Variants in PTPRD observed in about 807,000 individuals in gnomAD.
PTPRD encodes protein tyrosine phosphatase receptor type D.
PTPRD carries 34 observed loss-of-function variants against 214.5 expected under a neutral mutation model. That is an observed-to-expected ratio of 0.16 (90% confidence interval 0.12 to 0.21). The LOEUF (loss-of-function observed/expected upper bound fraction) is 0.21, where lower values mean the gene tolerates loss of function less well. Among genes scored for constraint, PTPRD ranks in the 10% least tolerant of loss-of-function variants. The pLI, the probability that PTPRD is intolerant of heterozygous loss-of-function variation, is 1.00. For synonymous variants in PTPRD, 1,128 were observed against 845.7 expected, an observed-to-expected ratio of 1.33 and a Z score of -5.79; for missense variants, 2,545 against 2,398.7, an observed-to-expected ratio of 1.06 and a Z score of -1.27.
At chr9:10,287,843 G>A (rs1050533430) in intron 3 of PTPRD, among the ~76,000 whole-genome samples, 9 of 152,042 alleles carry the variant, frequency 5.9e-5, no homozygotes, top group Non-Finnish European at 1.0e-4. Context: ...GTTCCAGAGC[G>A]ATTCTTCAGC....
chr9:8,993,615 G>C (rs1444395740), intron 11 of PTPRD, among the ~76,000 whole-genome samples: 1 of 152,024 alleles, frequency 6.6e-6, no homozygotes, highest in African/African-American at 2.4e-5. Context: ...AATCAACTAA[G>C]ATGATTATAT....
At chr9:10,552,173 G>C (rs1291199740) in intron 2 of PTPRD, among the ~76,000 whole-genome samples, 1 of 152,148 alleles carries the variant, frequency 6.6e-6, no homozygotes, top group Non-Finnish European at 1.5e-5. Context: ...ATGGAGTTTT[G>C]AGGTGGTGGT....
chr9:10,366,293 C>T (rs1220920807), intron 2 of PTPRD, among the ~76,000 whole-genome samples: 1 of 152,148 alleles, frequency 6.6e-6, no homozygotes, highest in African/African-American at 2.4e-5. Flanking sequence ...ATTTTCTGTA[C>T]ATTCACATAA....
intron 10 of PTPRD, among the ~76,000 whole-genome samples, chr9:9,086,776 T>A (rs375708762): frequency 4.6e-5 from 7 of 152,056 alleles, no homozygotes; most frequent in Admixed American, 1.3e-4. Context: ...AAATGCTTTT[T>A]TAAAATGTGA....
At chr9:8,349,368 T>A (rs911122871) in intron 39 of PTPRD, among the ~76,000 whole-genome samples, 1 of 152,314 alleles carries the variant, frequency 6.6e-6, no homozygotes, top group Admixed American at 6.5e-5. Flanking sequence ...TTATTTTGTT[T>A]CCTTCTCCAA....
intron 5 of PTPRD, among the ~76,000 whole-genome samples, chr9:9,917,128 A>G (rs191801552): frequency 3.9e-4 from 59 of 151,504 alleles, no homozygotes; most frequent in Middle Eastern, 3.4e-3. Flanking sequence ...TTGTAAATAA[A>G]CAATCTAACA....
In PTPRD at chr9:8,741,239, T is replaced by C. The variant is rs147287904; in HGVS notation, c.-103-7293A>G. On this transcript the variant is annotated intron_variant, in intron 11 of 45. Coordinates refer to ENST00000381196, the MANE Select transcript of PTPRD (RefSeq NM_002839.4). ...AAAAAAAACCTCATCTCCCTTTGTA[T>C]CTATTGTTCCCCTACAAATAGAACT... Among the ~76,000 whole-genome samples the C allele has an allele frequency of 9.0e-3, 1,368 of 152,298 alleles. 21 individuals carry two copies. The highest frequency in any genetic ancestry group is 0.031 in the African/African-American group (1,281 of 41,562).
intron 8 of PTPRD, among the ~76,000 whole-genome samples, chr9:9,509,470 G>C (rs1258863996): frequency 1.3e-5 from 2 of 150,668 alleles, no homozygotes; most frequent in African/African-American, 4.9e-5. Flanking sequence ...TGACACACCA[G>C]ACCCCTCACT....
intron 3 of PTPRD, among the ~76,000 whole-genome samples, chr9:10,299,424 A>G (rs546082541): frequency 2.9e-4 from 44 of 152,174 alleles, no homozygotes; most frequent in Non-Finnish European, 3.7e-4. Flanking sequence ...AACTAGCTGC[A>G]TGATTATGAA....
chr9:10,064,021 T>A (rs554312996), intron 3 of PTPRD, among the ~76,000 whole-genome samples: 1 of 143,552 alleles, frequency 7.0e-6, no homozygotes, highest in African/African-American at 2.9e-5. Flanking sequence ...ATATTTTCTG[T>A]TTTTTTTTCA....
At chr9:9,973,992 A>C (rs2095256682) in intron 4 of PTPRD, among the ~76,000 whole-genome samples, 1 of 152,134 alleles carries the variant, frequency 6.6e-6, no homozygotes. Context: ...TGGTTCTGTA[A>C]ATAGATTTGT....
chr9:9,736,911 C>T (rs189616641), intron 6 of PTPRD, among the ~76,000 whole-genome samples: 48 of 152,096 alleles, frequency 3.2e-4, no homozygotes, highest in African/African-American at 1.1e-3. Context: ...CTGTTTCTTA[C>T]GTTGAACACC....
intron 9 of PTPRD, among the ~76,000 whole-genome samples, chr9:9,393,506 A>G (rs2066621452): frequency 6.6e-6 from 1 of 152,176 alleles, no homozygotes; most frequent in South Asian, 2.1e-4. Context: ...TCTTAGCTGA[A>G]TATAGTTGCA....
chr9:9,416,636 C>T (rs2077074043), intron 8 of PTPRD, among the ~76,000 whole-genome samples: 1 of 152,136 alleles, frequency 6.6e-6, no homozygotes, highest in South Asian at 2.1e-4. Context: ...GACGTGCTCT[C>T]CCTTTTCCTC....
intron 3 of PTPRD, among the ~76,000 whole-genome samples, chr9:10,149,989 A>G (rs990829476): frequency 6.6e-6 from 1 of 152,092 alleles, no homozygotes; most frequent in Admixed American, 6.6e-5. Context: ...TCGGCCTCCC[A>G]AAGTGCTGGG....
intron 5 of PTPRD, among the ~76,000 whole-genome samples, chr9:9,778,557 C>T (rs1427384536): frequency 6.6e-6 from 1 of 152,182 alleles, no homozygotes; most frequent in Non-Finnish European, 1.5e-5. Flanking sequence ...ATGACTAAGG[C>T]ATGTCTGTTT....
rs983880190 is a variant in PTPRD at position 8,832,480 on chromosome 9, T to A, written c.-103-98534A>T. Among the ~76,000 whole-genome samples the A allele has an allele frequency of 2.8e-5, 4 of 143,864 alleles. No individual in the cohort carries two copies. The Admixed American group carries it at 2.9e-4, about 11-fold the overall frequency. 94.4% of individuals were successfully genotyped at this position (143,864 alleles called of 152,430 possible). A position where few individuals can be genotyped will look rare whatever the true frequency, so the allele number is the denominator to read the frequency against. On this transcript the variant is annotated intron_variant, in intron 11 of 45. Coordinates refer to ENST00000381196, the MANE Select transcript of PTPRD (RefSeq NM_002839.4). ...AATTATGGGGAAAATAGGCAATGAATTACAAGTAAGAGAAAAAGTCAATTA... is the reference window on the plus strand; with the variant it reads ...AATTATGGGGAAAATAGGCAATGAAATACAAGTAAGAGAAAAAGTCAATTA...
intron 39 of PTPRD, among the ~76,000 whole-genome samples, chr9:8,369,258 T>C (rs1482452554): frequency 6.6e-6 from 1 of 152,156 alleles, no homozygotes; most frequent in Non-Finnish European, 1.5e-5. Flanking sequence ...CTTTTGTTTT[T>C]ATGCTCTTAT....
At chr9:8,451,111 A>G (rs2095927085) in intron 33 of PTPRD, among the ~76,000 whole-genome samples, 1 of 152,182 alleles carries the variant, frequency 6.6e-6, no homozygotes. Context: ...ATTTCTGCTC[A>G]TCTGTATAAA....
Sources: allele counts gnomAD v4.1 joint callset (sites outside exome capture counted in the v4.1 genomes callset), GRCh38; gene constraint gnomAD v4.1.1; transcripts MANE v1.5; gene names NCBI Gene and HGNC (gene_info 2026-07-23, HGNC 2026-07-21).